Variants in TMPRSS9 observed in about 807,000 individuals in gnomAD.
TMPRSS9 encodes the protein transmembrane protease serine 9.
In TMPRSS9, 113 loss-of-function variants were observed where a neutral mutation model predicts 111.4. That is an observed-to-expected ratio of 1.01 (90% CI 0.87 to 1.19). The LOEUF is 1.19. Among genes scored for constraint, TMPRSS9 ranks in the 50% most tolerant of loss-of-function variants. The probability of loss-of-function intolerance (pLI) is 0.00; values close to 1 mark genes in which losing one functional copy is unlikely to be tolerated. For synonymous variants in TMPRSS9, 805 were observed against 659.1 expected (o/e 1.22, Z -3.39); for missense variants, 1,803 against 1,513.1 (o/e 1.19, Z -3.18).
chr19:2,386,885 G>A (rs751100283), upstream of TMPRSS9, among the ~76,000 whole-genome samples: 23 of 152,102 alleles, frequency 1.5e-4, no homozygotes, highest in Non-Finnish European at 2.6e-4. Context: ...CCAGCTACTT[G>A]GGAGACTGAG....
chr19:2,413,845 A>G (rs780486859), exon 10 of TMPRSS9: 1 of 1,613,660 alleles, frequency 6.2e-7, no homozygotes, highest in South Asian at 1.1e-5. Context: ...TGGATCCTGG[A>G]GGCCACCACC....
chr19:2,426,158 A>G (rs1599324642), exon 18 of TMPRSS9: 1 of 1,309,566 alleles, frequency 7.6e-7, no homozygotes, highest in African/African-American at 2.7e-5. Context: ...CCAACACCCC[A>G]CCCCACCGTA....
chr19:2,388,427 A>T (rs1023117755), upstream of TMPRSS9, among the ~76,000 whole-genome samples: 1 of 151,964 alleles, frequency 6.6e-6, no homozygotes, highest in Non-Finnish European at 1.5e-5. Context: ...AGAAAGAGAG[A>T]CTGGAAGAGG....
Position 2,399,255 on chromosome 19 carries a change from A to T in TMPRSS9, c.514+62A>T, listed in dbSNP as rs962651050. 7 of 1,508,736 alleles carry T rather than the reference A, an allele frequency of 4.6e-6. No individual in the cohort carries two copies. The East Asian group carries it at 1.6e-4, about 35-fold the overall frequency. 93.5% of individuals were successfully genotyped at this position (1,508,736 alleles called of 1,614,324 possible). ...GAGGCTGGAGTGGGGCAGGAGCTGC[A>T]AGATACATTTTGATAACCACCCCTT... On this transcript the variant is annotated intron_variant, in intron 4 of 17. Transcript: ENST00000648592.
intron 5 of TMPRSS9, 25 bp from the exon 7 acceptor site, chr19:2,403,057 A>C (rs1486780029): frequency 1.3e-6 from 2 of 1,580,330 alleles, no homozygotes; most frequent in Non-Finnish European, 8.6e-7. Flanking sequence ...ATGAGGTCAG[A>C]AAGTCGGTTC....
chr19:2,416,316 C>A, intron 11 of TMPRSS9: 1 of 598,752 alleles, frequency 1.7e-6, no homozygotes, highest in Non-Finnish European at 2.9e-6. Context: ...GCCTGAGGGT[C>A]CCCTGACTTG....
intron 1 of TMPRSS9, among the ~76,000 whole-genome samples, chr19:2,393,246 C>T (rs1466434895): frequency 6.6e-6 from 1 of 152,088 alleles, no homozygotes; most frequent in Non-Finnish European, 1.5e-5. Context: ...GTGTGAGATG[C>T]TTTTATGAGC....
intron 9 of TMPRSS9, among the ~76,000 whole-genome samples, chr19:2,411,321 A>G (rs1971090918): frequency 6.8e-6 from 1 of 147,142 alleles, no homozygotes; most frequent in African/African-American, 2.5e-5. Context: ...AAAAAAAAAA[A>G]AAAAAAAAAA....
At position 2,405,677 on chromosome 19, in the gene TMPRSS9, C is replaced by T. The variant is rs1019532304; in HGVS notation, c.842+132C>T. On this transcript the variant is annotated intron_variant, in intron 7 of 17. Transcript: ENST00000648592. Reference sequence around the variant, plus strand: ...ATTTTTTCTTTTCCTTTCTTTCTTGCTTTTGCTGTTGTTGAATCTGAGGGC... The same window carrying T: ...ATTTTTTCTTTTCCTTTCTTTCTTGTTTTTGCTGTTGTTGAATCTGAGGGC... 44 of 949,724 alleles carry T rather than the reference C, an allele frequency of 4.6e-5. 1 individual carries two copies. Among genetic ancestry groups the T allele is most frequent in the Admixed American group, 4.3e-4 (11 of 25,470 alleles). The allele number at this position is 949,724 out of a possible 1,614,324, so 58.8% of individuals were successfully genotyped here. A position where few individuals can be genotyped will look rare whatever the true frequency, so the allele number is the denominator to read the frequency against.
intron 9 of TMPRSS9, among the ~76,000 whole-genome samples, 199 bp from the exon 11 acceptor site, chr19:2,413,501 G>A (rs1568185778): frequency 6.6e-6 from 1 of 152,208 alleles, no homozygotes; most frequent in East Asian, 1.9e-4. Context: ...TAGTCCAACT[G>A]TCTTGGGTTT....
chr19:2,372,069 C>T (rs1895684424), intron 1 of TMPRSS9, among the ~76,000 whole-genome samples: 1 of 152,176 alleles, frequency 6.6e-6, no homozygotes, highest in South Asian at 2.1e-4. Context: ...GGGGGCCAGG[C>T]TGGTCTCAAA....
chr19:2,398,724 G>T (rs1394097241), intron 2 of TMPRSS9, 71 bp from the exon 4 acceptor site: 1 of 1,138,552 alleles, frequency 8.8e-7, no homozygotes, highest in East Asian at 4.8e-5. Context: ...TCCAACACCT[G>T]ACAGGCCTCT....
In TMPRSS9 at chr19:2,399,037, C is replaced by T. The variant is rs774267520; in HGVS notation, c.358C>T (p.Leu120Phe). The T allele has an allele frequency of 2.5e-6, 4 of 1,612,320 alleles. No homozygotes were observed. The South Asian group carries it at 4.4e-5, about 18-fold the overall frequency. The change falls in exon 4 of 18, where the codon CTC becomes TTC. Residue 120 changes from leucine to phenylalanine, a missense_variant. Transcript: ENST00000648592. Reference sequence around the variant, plus strand: ...CTGTAGGGATGGGAACTCCAGTGTCCTCGTACATTTCCAGCTGCACTTTCT... The same window carrying T: ...CTGTAGGGATGGGAACTCCAGTGTCTTCGTACATTTCCAGCTGCACTTTCT...
At chr19:2,370,035 C>G (rs1409998139) in intron 1 of TMPRSS9, among the ~76,000 whole-genome samples, 2 of 152,024 alleles carry the variant, frequency 1.3e-5, no homozygotes, top group Admixed American at 1.3e-4. Flanking sequence ...TAGCGAAACC[C>G]CTTCTCTACT....
At chr19:2,425,522 G>T in intron 17 of TMPRSS9, 29 bp downstream of exon 18, 1 of 1,515,558 alleles carries the variant, frequency 6.6e-7, no homozygotes. Flanking sequence ...CAGGGGACCA[G>T]GTCCCGCCCA....
intron 1 of TMPRSS9, 38 bp from the exon 3 acceptor site, chr19:2,396,501 A>C: frequency 1.9e-6 from 3 of 1,556,056 alleles, no homozygotes; most frequent in Middle Eastern, 1.9e-4. Flanking sequence ...TGAGCCCCCA[A>C]AGGTGGGCTC....
rs151073873 is a variant in TMPRSS9, at chr19:2,375,201, G to A, written c.-25-14560G>A. ...GCCCCACTGGGAAGAAGGCGTCTCC[G>A]TCCCTGCTTCTGTGAGTTGAACCAT... On this transcript the variant is annotated intron_variant, in intron 1 of 17. Transcript: ENST00000649857. 1.1e-4 allele frequency among the ~76,000 whole-genome samples: 16 copies of A among 152,330 alleles called. No individual in the cohort carries two copies. The East Asian group carries it at 2.9e-3, about 28-fold the overall frequency.
chr19:2,373,581 T>C (rs1320633363), intron 1 of TMPRSS9, among the ~76,000 whole-genome samples: 1 of 151,906 alleles, frequency 6.6e-6, no homozygotes, highest in Admixed American at 6.6e-5. Flanking sequence ...GCCAGGGTGG[T>C]CTCGAACTCC....
intron 1 of TMPRSS9, among the ~76,000 whole-genome samples, chr19:2,395,866 C>G (rs1340153732): frequency 6.6e-6 from 1 of 151,442 alleles, no homozygotes; most frequent in Non-Finnish European, 1.5e-5. Context: ...AAATTAGCCA[C>G]GCGTGGTCGT....
Sources: gnomAD v4.1 joint callset for allele counts (sites outside exome capture counted in the v4.1 genomes callset) on GRCh38, gnomAD v4.1.1 for gene constraint, MANE v1.5 for transcripts, NCBI Gene and HGNC (gene_info 2026-07-23, HGNC 2026-07-21) for gene names.